C2CD2: variants seen among roughly 807,000 people sequenced by gnomAD.
C2CD2 encodes C2 domain-containing protein 2.
In C2CD2, 43 loss-of-function variants were observed where a neutral mutation model predicts 74.3. That is an observed-to-expected ratio of 0.58 (90% CI 0.45 to 0.75). The LOEUF (loss-of-function observed/expected upper bound fraction) is 0.75, where lower values mean the gene tolerates loss of function less well. Among genes scored for constraint, C2CD2 ranks in the 30% least tolerant of loss-of-function variants. The pLI is 0.00. For synonymous variants in C2CD2, 422 were observed against 390.7 expected (o/e 1.08, Z -0.94); for missense variants, 801 against 916.3 (o/e 0.87, Z 1.63).
chr21:41,947,103 C>CT (rs2065403772), intron 1 of C2CD2, among the ~76,000 whole-genome samples: 3 of 22,118 alleles, frequency 1.4e-4, no homozygotes, highest in African/African-American at 2.9e-4. Flanking sequence ...TCTTTCTTTC[C>CT]TTTCTCTTTT....
intron 8 of C2CD2, 124 bp from the exon 9 acceptor site, chr21:41,907,908 T>C: frequency 1.1e-6 from 1 of 949,920 alleles, no homozygotes; most frequent in Non-Finnish European, 1.7e-6. Flanking sequence ...CACGGGGAAG[T>C]GCTCACGTTT....
In C2CD2 at chr21:41,890,867, C is replaced by T. The variant is rs181708503; in HGVS notation, c.1871-1523G>A. Among the ~76,000 whole-genome samples, 439 of 152,296 alleles carry T rather than the reference C, an allele frequency of 2.9e-3. 6 individuals carry two copies. Among genetic ancestry groups the T allele is most frequent in the Non-Finnish European group, 4.2e-3 (284 of 68,024 alleles). The stretch of plus-strand genomic sequence containing the variant: ...TCAAAGCCTACTATGGGGAAAGAAG[C>T]ATGTGCCCCTGAGCCTGACTTCAAG... On this transcript the variant is annotated intron_variant, in intron 13 of 13. Transcript: ENST00000380486.
chr21:41,950,226 G>A (rs569324819), intron 1 of C2CD2, among the ~76,000 whole-genome samples: 16 of 152,156 alleles, frequency 1.1e-4, no homozygotes, highest in Non-Finnish European at 1.9e-4. Context: ...TCTCAACCAT[G>A]GGACACTCTC....
intron 6 of C2CD2, among the ~76,000 whole-genome samples, chr21:41,914,005 A>G (rs939115676): frequency 2.0e-5 from 3 of 152,192 alleles, no homozygotes. Context: ...AGGCGGGCGG[A>G]TCACCTGAGG....
chr21:41,927,855 G>A (rs776576187), intron 2 of C2CD2, among the ~76,000 whole-genome samples: 5 of 152,320 alleles, frequency 3.3e-5, no homozygotes, highest in Admixed American at 6.5e-5. Context: ...AAGAGCTGCT[G>A]TTTATCCTCT....
rs758593659 is a variant in C2CD2 at position 41,901,610 on chromosome 21, C to T, written c.1560+12G>A. 2.5e-6 allele frequency: 4 copies of T among 1,614,014 alleles called. No homozygotes were observed. In the East Asian group the frequency reaches 8.9e-5, roughly 36 times the overall value. ...GACCAGATGAACACCTCCCCAGCCA[C>T]CACGATGGTACCTTGGAGATCCCTG... On this transcript the variant is annotated intron_variant, in intron 12 of 13. Coordinates refer to ENST00000380486, the MANE Select transcript of C2CD2 (RefSeq NM_015500.2).
At position 41,899,420 on chromosome 21, in the gene C2CD2, A is replaced by C; in HGVS notation, c.1561-58T>G. On this transcript the variant is annotated intron_variant, in intron 12 of 13. Transcript: ENST00000380486. The surrounding 1 kb of genome is among the most constrained non-coding windows in gnomAD (Gnocchi z 4.4). The stretch of plus-strand genomic sequence containing the variant: ...TACATGAAAGGAAGGGAGGGTTTGA[A>C]AAGAACTGAAAAGCACTCTCCAAAA... 1 of 1,451,926 alleles carries C rather than the reference A, an allele frequency of 6.9e-7. No individual in the cohort carries two copies. The highest frequency in any genetic ancestry group is 9.4e-7 in the Non-Finnish European group (1 of 1,059,910). The allele number at this position is 1,451,926 out of a possible 1,614,324, so 89.9% of individuals were successfully genotyped here.
Position 41,924,530 on chromosome 21 carries a change from G to T in C2CD2, c.379-2445C>A, listed in dbSNP as rs912131032. Among the ~76,000 whole-genome samples, 9 of 152,084 alleles carry T rather than the reference G, an allele frequency of 5.9e-5. No homozygotes were observed. The highest frequency in any genetic ancestry group is 1.9e-4 in the African/African-American group (8 of 41,402). On this transcript the variant is annotated intron_variant, in intron 2 of 13. Transcript: ENST00000380486. The surrounding 1 kb of genome is among the most constrained non-coding windows in gnomAD (Gnocchi z 4.4). ...AAAGGGCCAGAACAAAAAAATGTTT[G>T]TATAAGAAATGTTGTCTATTCATGT...
At chr21:41,946,874 A>G (rs932884760) in intron 1 of C2CD2, among the ~76,000 whole-genome samples, 14 of 152,098 alleles carry the variant, frequency 9.2e-5, no homozygotes, top group African/African-American at 3.4e-4. Flanking sequence ...TCAGCAAAAT[A>G]ATGATCAACA....
At chr21:41,889,524 CGA>C (rs1436403626) in intron 13 of C2CD2, among the ~76,000 whole-genome samples, 180 bp from the exon 14 acceptor site, 1 of 152,058 alleles carries the variant, frequency 6.6e-6, no homozygotes, top group Non-Finnish European at 1.5e-5. Context: ...TTGTACAAAA[CGA>C]GAGTTTTCAA....
intron 11 of C2CD2, 47 bp downstream of exon 11, chr21:41,905,677 G>C: frequency 1.0e-6 from 1 of 987,558 alleles, no homozygotes; most frequent in Non-Finnish European, 1.6e-6. Context: ...AGCCCAAAAG[G>C]CCCAAAGGTG....
rs574759835 is a variant in C2CD2 at position 41,928,315 on chromosome 21, C to T, written c.379-6230G>A. Among the ~76,000 whole-genome samples the T allele has an allele frequency of 1.0e-3, 157 of 152,224 alleles. 2 individuals carry two copies. The highest frequency in any genetic ancestry group is 3.6e-3 in the African/African-American group (148 of 41,544). On this transcript the variant is annotated intron_variant, in intron 2 of 13. Transcript: ENST00000380486. ...GTCGGGCTGCACCTGCAGGCTGGCT[C>T]GGCCCAGAATTCCATACACCATCAT...
At chr21:41,897,524 AG>A in intron 13 of C2CD2, among the ~76,000 whole-genome samples, 1 of 152,320 alleles carries the variant, frequency 6.6e-6, no homozygotes, top group South Asian at 2.1e-4. Flanking sequence ...GTCAGCGTGC[AG>A]CTTACAGCCC....
At chr21:41,891,633 T>C (rs929995633) in intron 13 of C2CD2, among the ~76,000 whole-genome samples, 14 of 152,158 alleles carry the variant, frequency 9.2e-5, no homozygotes, top group Non-Finnish European at 1.5e-5. Flanking sequence ...TGCACCTGCC[T>C]TGAAGCTCTG....
chr21:41,936,928 C>T (rs1398147238), intron 2 of C2CD2, among the ~76,000 whole-genome samples: 2 of 146,894 alleles, frequency 1.4e-5, no homozygotes, highest in South Asian at 2.2e-4. Context: ...AAGCAATTCT[C>T]CTGCCTCAGC....
intron 1 of C2CD2, among the ~76,000 whole-genome samples, chr21:41,949,040 C>T (rs1569085212): frequency 6.6e-6 from 1 of 151,962 alleles, no homozygotes; most frequent in Non-Finnish European, 1.5e-5. Flanking sequence ...TCAGGTGGGC[C>T]GCTACCAGAC....
At chr21:41,894,684 G>A (rs1440957605) in intron 13 of C2CD2, 4 of 456,876 alleles carry the variant, frequency 8.8e-6, no homozygotes, top group Non-Finnish European at 1.8e-5. Context: ...GCAGGGGGCA[G>A]GGGAGGAGGA....
chr21:41,896,589 T>C (rs993861392), intron 13 of C2CD2, among the ~76,000 whole-genome samples: 12 of 151,818 alleles, frequency 7.9e-5, no homozygotes, highest in Admixed American at 2.0e-4. Flanking sequence ...GGAATACATT[T>C]CCTGTGCGGG....
In C2CD2 at chr21:41,953,630, C is replaced by A. The variant is rs762038810; in HGVS notation, c.19G>T (p.Gly7Cys). The A allele has an allele frequency of 1.5e-5, 23 of 1,487,296 alleles. No individual in the cohort carries two copies. The highest frequency in any genetic ancestry group is 2.0e-5 in the Non-Finnish European group (22 of 1,127,958). The allele number at this position is 1,487,296 out of a possible 1,614,324, so 92.1% of individuals were successfully genotyped here. MAMARL[G>C]SWLGEAQWLA... ...CACTGCGCCTCCCCGAGCCACGAGC[C>A]CAGCCGGGCCATGGCCATGGCGCAT... Residue 7 changes from glycine to cysteine, a missense_variant, in exon 1 of 14, where the codon GGC becomes TGC. Physicochemically the swap from Gly to Cys is radical, Grantham distance 159 (BLOSUM62 -3). Coordinates refer to ENST00000380486, the MANE Select transcript of C2CD2 (RefSeq NM_015500.2).
Sources: gnomAD v4.1 joint callset for allele counts (sites outside exome capture counted in the v4.1 genomes callset) on GRCh38, gnomAD v4.1.1 for gene constraint, Gnocchi (gnomAD v3.1) non-coding constraint, MANE v1.5 for transcripts, NCBI Gene and HGNC (gene_info 2026-07-23, HGNC 2026-07-21) for gene names.